Variants in NSUN4 observed in about 807,000 individuals in gnomAD.
NSUN4 encodes the protein NOP2/Sun RNA methyltransferase 4.
In NSUN4, 31 loss-of-function variants were observed where a neutral mutation model predicts 43.8. The observed-to-expected ratio is 0.71, with a 90% CI of 0.53 to 0.96. NSUN4 has a LOEUF of 0.96. Ranked by LOEUF, NSUN4 falls within the 40% of genes least tolerant of loss-of-function variation. NSUN4 has a pLI of 0.00. For missense variants in NSUN4, 439 were observed against 475.6 expected, an observed-to-expected ratio of 0.92 and a Z score of 0.72; for synonymous variants, 167 against 184.1, an observed-to-expected ratio of 0.91 and a Z score of 0.75.
chr1:46,361,563 GT>G lies in NSUN4; in HGVS notation c.879-4del, dbSNP rs746806557. 6.2e-7 allele frequency: 1 copy of G among 1,612,070 alleles called. No homozygotes were observed. Among genetic ancestry groups the G allele is most frequent in the Admixed American group, 1.7e-5 (1 of 59,968 alleles). ...TAGTAACTGCTTCTGTCTCTTTCTG[GT>G]TTCAGGGCTGGACTCCTTGCCACCA... On this transcript the variant is annotated splice_region_variant and splice_polypyrimidine_tract_variant and intron_variant, in intron 5 of 5. Coordinates refer to ENST00000474844, the MANE Select transcript of NSUN4 (RefSeq NM_199044.4).
At chr1:46,380,809 C>T in the NSUN4 span, among the ~76,000 whole-genome samples, 2 of 152,036 alleles carry the variant, frequency 1.3e-5, no homozygotes, top group Non-Finnish European at 2.9e-5. Context: ...CCATAAAACC[C>T]CTCTCTGTGG....
intron 4 of NSUN4, among the ~76,000 whole-genome samples, chr1:46,355,262 C>T (rs960713686): frequency 2.0e-5 from 3 of 152,140 alleles, no homozygotes; most frequent in Non-Finnish European, 4.4e-5. Flanking sequence ...TAAACACATC[C>T]GTTGATGGGT....
chr1:46,370,542 GTCTT>G, the NSUN4 span: 1 of 114,758 alleles, frequency 8.7e-6, no homozygotes, highest in Admixed American at 8.2e-5. Flanking sequence ...CAGAGGTGCT[GTCTT>G]TTTTTTTTTT....
chr1:46,343,504 T>C (rs2148361780), intron 1 of NSUN4: 1 of 399,684 alleles, frequency 2.5e-6, no homozygotes, highest in East Asian at 3.6e-5. Context: ...AGTTCGACTA[T>C]TATTAGCAAA....
chr1:46,352,024 C>T (rs971249383), intron 3 of NSUN4, among the ~76,000 whole-genome samples: 3 of 151,468 alleles, frequency 2.0e-5, no homozygotes, highest in South Asian at 2.1e-4. Flanking sequence ...AATGAGGTAT[C>T]GCTATGTTGC....
At chr1:46,366,236 C>T (rs1055859608), downstream of NSUN4, among the ~76,000 whole-genome samples, 7 of 151,988 alleles carry the variant, frequency 4.6e-5, no homozygotes, top group Admixed American at 1.3e-4. Context: ...AAATTAAATA[C>T]AATTAAGAAT....
chr1:46,367,761 T>G (rs960849025), downstream of NSUN4, among the ~76,000 whole-genome samples: 1 of 138,230 alleles, frequency 7.2e-6, no homozygotes, highest in Non-Finnish European at 1.6e-5. Context: ...AATCTGAAAT[T>G]TCTTTTTTTT....
rs1663891949 is a variant in NSUN4, at chr1:46,361,740, A to G, written c.1049A>G (p.Asp350Gly). The change falls in exon 6 of 6, where the codon GAC becomes GGC. Residue 350 changes from aspartate to glycine, a missense_variant. Coordinates refer to ENST00000474844, the MANE Select transcript of NSUN4 (RefSeq NM_199044.4). ...ACTCACTTCCGAAGGGTTTTCATGG[A>G]CACATTTTGTTTCTTCTCATCCTGT... ...DLTHFRRVFM[D>G]TFCFFSSCQV... 1 of 1,614,090 alleles carries G rather than the reference A, an allele frequency of 6.2e-7. No individual in the cohort carries two copies. The highest frequency in any genetic ancestry group is 1.1e-5 in the South Asian group (1 of 91,086).
At chr1:46,348,284 G>A (rs1662672869) in intron 3 of NSUN4, among the ~76,000 whole-genome samples, 2 of 152,188 alleles carry the variant, frequency 1.3e-5, no homozygotes, top group Non-Finnish European at 1.5e-5. Flanking sequence ...CCTCCTGGAC[G>A]TCTGTCCTTA....
At chr1:46,367,827 T>C (rs1292383528), downstream of NSUN4, among the ~76,000 whole-genome samples, 2 of 148,610 alleles carry the variant, frequency 1.3e-5, no homozygotes, top group African/African-American at 2.5e-5. Context: ...TGCCGTGGTG[T>C]GATCTCGGCT....
chr1:46,368,173 A>G (rs1207666108), downstream of NSUN4, among the ~76,000 whole-genome samples: 1 of 152,090 alleles, frequency 6.6e-6, no homozygotes, highest in African/African-American at 2.4e-5. Context: ...CAGTAGCCTC[A>G]AAACTCATTT....
intron 4 of NSUN4, among the ~76,000 whole-genome samples, chr1:46,359,523 C>T (rs915415682): frequency 1.3e-5 from 2 of 149,746 alleles, no homozygotes; most frequent in African/African-American, 4.9e-5. Flanking sequence ...GCTGGGACTA[C>T]AAGAGCGCTG....
intron 4 of NSUN4, among the ~76,000 whole-genome samples, chr1:46,358,347 C>T (rs1263007449): frequency 2.0e-5 from 3 of 151,196 alleles, no homozygotes; most frequent in African/African-American, 7.3e-5. Flanking sequence ...CTGCCCGCCT[C>T]GGCCTCCCAA....
chr1:46,384,077 G>A, the NSUN4 span, among the ~76,000 whole-genome samples: 4 of 152,164 alleles, frequency 2.6e-5, no homozygotes, highest in East Asian at 1.9e-4. Flanking sequence ...GCAGGAGATC[G>A]GAATGGGTCA....
At chr1:46,366,704 C>CAAAAA (rs34437222), downstream of NSUN4, among the ~76,000 whole-genome samples, 14 of 59,432 alleles carry the variant, frequency 2.4e-4, no homozygotes, top group East Asian at 5.4e-3. Flanking sequence ...ACTAAAAATA[C>CAAAAA]AAAAAAAAAA....
At chr1:46,365,538 C>G (rs1010756581), downstream of NSUN4, among the ~76,000 whole-genome samples, 1 of 151,994 alleles carries the variant, frequency 6.6e-6, no homozygotes, top group Non-Finnish European at 1.5e-5. Context: ...AACGGGGTTT[C>G]GCCATGTTGG....
chr1:46,368,193 C>T (rs992485599), downstream of NSUN4, among the ~76,000 whole-genome samples: 7 of 152,220 alleles, frequency 4.6e-5, no homozygotes, highest in Middle Eastern at 3.4e-3. Context: ...TCTATTACTC[C>T]AATCAGCCCT....
intron 4 of NSUN4, among the ~76,000 whole-genome samples, chr1:46,355,474 G>A (rs1038732201): frequency 6.6e-6 from 1 of 152,142 alleles, no homozygotes; most frequent in African/African-American, 2.4e-5. Context: ...TTCTTCATCT[G>A]TAAAATGAGG....
the NSUN4 span, among the ~76,000 whole-genome samples, chr1:46,373,909 T>G: frequency 7.3e-6 from 1 of 137,490 alleles, no homozygotes; most frequent in African/African-American, 2.8e-5. Context: ...TTACCAGAGG[T>G]GTGGGGTAAG....
Sources: allele counts gnomAD v4.1 joint callset (sites outside exome capture counted in the v4.1 genomes callset), GRCh38; gene constraint gnomAD v4.1.1; transcripts MANE v1.5; gene names NCBI Gene and HGNC (gene_info 2026-07-23, HGNC 2026-07-21).